Variants in NXPH1 observed in about 807,000 individuals in gnomAD.
NXPH1 encodes the protein neurexophilin-1.
A neutral mutation model predicts 23.7 loss-of-function variants in NXPH1; 5 were observed. The ratio of observed to expected loss-of-function variants is 0.21; its 90% CI spans 0.11 to 0.44. The LOEUF (loss-of-function observed/expected upper bound fraction) is 0.44. Ranked by LOEUF, NXPH1 falls within the 20% of genes least tolerant of loss-of-function variation. The probability of loss-of-function intolerance (pLI) is 0.99; values close to 1 mark genes in which losing one functional copy is unlikely to be tolerated. For synonymous variants in NXPH1, 144 were observed against 122.2 expected (o/e 1.18, Z -1.18); for missense variants, 324 against 321.6 (o/e 1.01, Z -0.06).
At chr7:8,687,575 T>A (rs1004021411) in intron 2 of NXPH1, among the ~76,000 whole-genome samples, 1 of 152,154 alleles carries the variant, frequency 6.6e-6, no homozygotes, top group Admixed American at 6.5e-5. Context: ...CATGCATGGG[T>A]ACAAAATCAG....
intron 2 of NXPH1, among the ~76,000 whole-genome samples, chr7:8,735,487 C>T (rs563060455): frequency 3.9e-5 from 6 of 152,158 alleles, no homozygotes; most frequent in East Asian, 1.9e-4. Context: ...GGGATGAAGC[C>T]GACTTGATCA....
At chr7:8,702,254 T>A (rs552050469) in intron 2 of NXPH1, among the ~76,000 whole-genome samples, 2 of 152,262 alleles carry the variant, frequency 1.3e-5, no homozygotes, top group South Asian at 2.1e-4. Flanking sequence ...TTATGCAAAT[T>A]ATCCTAGCTG....
chr7:8,592,228 GGACAT>G (rs1314126807), intron 2 of NXPH1, among the ~76,000 whole-genome samples: 2 of 151,960 alleles, frequency 1.3e-5, no homozygotes, highest in African/African-American at 4.8e-5. Context: ...ACTCATTATG[GGACAT>G]GATGTGTGAG....
chr7:8,483,838 G>A (rs1817113907), intron 2 of NXPH1, among the ~76,000 whole-genome samples: 1 of 152,032 alleles, frequency 6.6e-6, no homozygotes, highest in South Asian at 2.1e-4. Flanking sequence ...AATGCTAAAT[G>A]TTTAAGGAAG....
At chr7:8,670,028 A>G (rs1820842924) in intron 2 of NXPH1, among the ~76,000 whole-genome samples, 1 of 152,230 alleles carries the variant, frequency 6.6e-6, no homozygotes, top group Non-Finnish European at 1.5e-5. Flanking sequence ...TTAAGGATTT[A>G]GAATATTTTC....
chr7:8,538,749 A>G (rs563352029), intron 2 of NXPH1, among the ~76,000 whole-genome samples: 2 of 152,068 alleles, frequency 1.3e-5, no homozygotes, highest in Admixed American at 1.3e-4. Context: ...GCAGAAAAAT[A>G]TATCAATTCA....
intron 2 of NXPH1, among the ~76,000 whole-genome samples, chr7:8,630,932 C>T (rs1044133475): frequency 6.6e-6 from 1 of 152,128 alleles, no homozygotes; most frequent in Admixed American, 6.6e-5. Context: ...CTTTCACCCT[C>T]CACCCTCTGA....
At chr7:8,693,287 C>G (rs149111175) in intron 2 of NXPH1, among the ~76,000 whole-genome samples, 8 of 152,168 alleles carry the variant, frequency 5.3e-5, no homozygotes, top group Non-Finnish European at 8.8e-5. Flanking sequence ...GAGTTTGAAT[C>G]CACATTCCAA....
chr7:8,596,006 A>T (rs900179999), intron 2 of NXPH1, among the ~76,000 whole-genome samples: 5 of 152,200 alleles, frequency 3.3e-5, no homozygotes, highest in African/African-American at 1.2e-4. Context: ...CCTTTAAAAA[A>T]TTTAGCATGC....
chr7:8,642,933 C>T (rs1185256066), intron 2 of NXPH1, among the ~76,000 whole-genome samples: 1 of 151,930 alleles, frequency 6.6e-6, no homozygotes, highest in Non-Finnish European at 1.5e-5. Flanking sequence ...GGCCCAATCT[C>T]GGTTCACCAC....
intron 2 of NXPH1, among the ~76,000 whole-genome samples, chr7:8,726,906 G>A (rs199665686): frequency 1.7e-3 from 257 of 151,860 alleles, no homozygotes; most frequent in East Asian, 0.017. Flanking sequence ...CTGAGGAATC[G>A]CCACACTGAC....
chr7:8,552,263 A>G (rs79074164), intron 2 of NXPH1, among the ~76,000 whole-genome samples: 1,542 of 151,558 alleles, frequency 0.01, 21 homozygotes, highest in African/African-American at 0.036. Context: ...TTCCTATGCA[A>G]TTATCCCAGC....
At chr7:8,440,742 T>C (rs529652843) in intron 2 of NXPH1, among the ~76,000 whole-genome samples, 2 of 151,924 alleles carry the variant, frequency 1.3e-5, no homozygotes, top group Non-Finnish European at 2.9e-5. Context: ...GCCCTGAGCT[T>C]CTTTGATTTT....
chr7:8,577,087 G>C (rs1032190750), intron 2 of NXPH1, among the ~76,000 whole-genome samples: 1 of 152,146 alleles, frequency 6.6e-6, no homozygotes, highest in South Asian at 2.1e-4. Flanking sequence ...TATTAATACT[G>C]TATTAGTCAG....
intron 2 of NXPH1, among the ~76,000 whole-genome samples, chr7:8,503,205 C>G (rs1817465838): frequency 6.6e-6 from 1 of 152,002 alleles, no homozygotes; most frequent in Non-Finnish European, 1.5e-5. Flanking sequence ...TTTAACAGTT[C>G]TGTGAAATAG....
chr7:8,542,631 G>T (rs1054571659), intron 2 of NXPH1, among the ~76,000 whole-genome samples: 6 of 151,526 alleles, frequency 4.0e-5, no homozygotes, highest in Non-Finnish European at 8.9e-5. Context: ...TAGTTTCTCT[G>T]ACCACAGCAA....
chr7:8,741,426 G>T (rs1389151721), intron 2 of NXPH1, among the ~76,000 whole-genome samples: 1 of 152,092 alleles, frequency 6.6e-6, no homozygotes, highest in Non-Finnish European at 1.5e-5. Flanking sequence ...AAGTGGGATT[G>T]CTGGATCAAA....
intron 2 of NXPH1, among the ~76,000 whole-genome samples, chr7:8,508,084 C>G (rs1817559401): frequency 6.6e-6 from 1 of 152,092 alleles, no homozygotes; most frequent in African/African-American, 2.4e-5. Context: ...TTAGACAGTT[C>G]TCAGTATATC....
intron 2 of NXPH1, among the ~76,000 whole-genome samples, chr7:8,739,357 C>T (rs766398526): frequency 5.3e-5 from 8 of 151,976 alleles, no homozygotes; most frequent in Non-Finnish European, 1.2e-4. Context: ...AATGCACCGT[C>T]CTTCAAGGCA....
Sources: allele counts gnomAD v4.1 joint callset (sites outside exome capture counted in the v4.1 genomes callset), GRCh38; gene constraint gnomAD v4.1.1; transcripts MANE v1.5; gene names NCBI Gene and HGNC (gene_info 2026-07-23, HGNC 2026-07-21).